Variants in COL18A1 observed in about 807,000 individuals in gnomAD.
COL18A1 encodes collagen alpha-1(XVIII) chain.
Under a neutral mutation model 168.0 loss-of-function variants are expected in COL18A1, and 133 were observed. The observed-to-expected ratio is 0.79, with a 90% CI of 0.69 to 0.91. COL18A1 has a LOEUF of 0.91. Among genes scored for constraint, COL18A1 ranks in the 40% least tolerant of loss-of-function variants. The pLI is 0.00. For missense variants in COL18A1, 2,126 were observed against 1,925.4 expected, an observed-to-expected ratio of 1.10 and a Z score of -1.95; for synonymous variants, 949 against 809.0, an observed-to-expected ratio of 1.17 and a Z score of -2.94.
chr21:45,465,810 G>A (rs894905503), intron 2 of COL18A1, among the ~76,000 whole-genome samples: 4 of 152,242 alleles, frequency 2.6e-5, no homozygotes, highest in African/African-American at 9.6e-5. Flanking sequence ...AGCACAGGCG[G>A]GCGTCCGTGG....
chr21:45,468,824 G>A, intron 3 of COL18A1, 38 bp downstream of exon 3: 2 of 1,518,438 alleles, frequency 1.3e-6, no homozygotes, highest in South Asian at 1.2e-5. Flanking sequence ...GACTGGAGCA[G>A]CTGGGATGGG....
At chr21:45,453,769 A>G (rs753883767) in intron 2 of COL18A1, among the ~76,000 whole-genome samples, 14 of 152,148 alleles carry the variant, frequency 9.2e-5, no homozygotes, top group Non-Finnish European at 1.8e-4. Context: ...GGCTGCCACC[A>G]TCCTCCAAGT....
At chr21:45,497,349 G>A (rs753438587) in intron 31 of COL18A1, among the ~76,000 whole-genome samples, 3 of 152,234 alleles carry the variant, frequency 2.0e-5, no homozygotes, top group Non-Finnish European at 4.4e-5. Flanking sequence ...CCAAAGCAGG[G>A]TGGAAGCAGC....
At chr21:45,477,993 G>T in intron 8 of COL18A1, 28 bp downstream of exon 8, 1 of 1,237,986 alleles carries the variant, frequency 8.1e-7, no homozygotes, top group Admixed American at 2.0e-5. Flanking sequence ...CCCGAGTCCG[G>T]CCCGGTCTGG....
rs934791525 is a variant in COL18A1, at chr21:45,477,685, G to A, written c.1006-65G>A. The A allele has an allele frequency of 2.8e-6, 4 of 1,425,410 alleles. No individual in the cohort carries two copies. The African/African-American group carries it at 5.7e-5, about 20-fold the overall frequency. The allele number at this position is 1,425,410 out of a possible 1,614,324, so 88.3% of individuals were successfully genotyped here. A position where few individuals can be genotyped will look rare whatever the true frequency, so the allele number is the denominator to read the frequency against. Reference sequence around the variant, plus strand: ...GCCTGGGACTCTGGAGGGCGCAGCGGGACACGTGGGCAGGGTGTGTGGGGC... The same window carrying A: ...GCCTGGGACTCTGGAGGGCGCAGCGAGACACGTGGGCAGGGTGTGTGGGGC... On this transcript the variant is annotated intron_variant, in intron 7 of 41. Transcript: ENST00000651438.
intron 2 of COL18A1, among the ~76,000 whole-genome samples, chr21:45,449,996 A>T (rs920035702): frequency 6.6e-6 from 1 of 152,242 alleles, no homozygotes; most frequent in Non-Finnish European, 1.5e-5. Flanking sequence ...CCACAGAAAG[A>T]TGAAAAGTCA....
chr21:45,471,399 T>G lies in COL18A1; in HGVS notation c.652-2496T>G, dbSNP rs1285311408. 6.6e-6 allele frequency among the ~76,000 whole-genome samples: 1 copy of G among 152,178 alleles called. No homozygotes were observed. Among genetic ancestry groups the G allele is most frequent in the Non-Finnish European group, 1.5e-5 (1 of 68,030 alleles). On this transcript the variant is annotated intron_variant, in intron 3 of 41. Transcript: ENST00000651438. The surrounding 1 kb of genome is among the most constrained non-coding windows in gnomAD (Gnocchi z 4.4). The stretch of plus-strand genomic sequence containing the variant: ...ATTGAGATACTTGGGAAAGAAACAT[T>G]CAAGTTGTGTGACTCATAATTTTTG...
intron 2 of COL18A1, among the ~76,000 whole-genome samples, chr21:45,433,407 T>C (rs536673814): frequency 6.6e-6 from 1 of 152,352 alleles, no homozygotes; most frequent in African/African-American, 2.4e-5. Flanking sequence ...GTCGTCTTTG[T>C]GTGCGTCTGT....
chr21:45,490,574 AGGTCCCTGGGCCTCCGTGTGCCCTCCCG>A (rs1568921874), intron 20 of COL18A1, among the ~76,000 whole-genome samples: 1 of 60,968 alleles, frequency 1.6e-5, no homozygotes, highest in Non-Finnish European at 3.3e-5. Flanking sequence ...GTGCCCTCTC[AGGTCCCTGGGCCTCCGTGTGCCCTCCCG>A]GGTCCCTGGG....
chr21:45,497,945 CAG>C (rs1278278217), intron 32 of COL18A1: 5 of 604,604 alleles, frequency 8.3e-6, no homozygotes, highest in Non-Finnish European at 1.5e-5. Flanking sequence ...GGGCACTGCG[CAG>C]AGACACAGCA....
chr21:45,492,529 G>A lies in COL18A1; in HGVS notation c.2158-6G>A. On this transcript the variant is annotated splice_region_variant and splice_polypyrimidine_tract_variant and intron_variant, in intron 22 of 41. Transcript: ENST00000651438. Reference sequence around the variant, plus strand: ...GTTTCCGATTTTTCCTTTTGCTCGTGGACAGGGATCCGTCCTGAGCGTGCC... The same window carrying A: ...GTTTCCGATTTTTCCTTTTGCTCGTAGACAGGGATCCGTCCTGAGCGTGCC... 6.2e-7 allele frequency: 1 copy of A among 1,613,416 alleles called. No individual in the cohort carries two copies. The highest frequency in any genetic ancestry group is 8.5e-7 in the Non-Finnish European group (1 of 1,180,004).
chr21:45,468,217 T>C lies in COL18A1; in HGVS notation c.107-25T>C, dbSNP rs564640325. On this transcript the variant is annotated intron_variant, in intron 2 of 41. Transcript: ENST00000651438. ...CCTGGTTCCGTCCTGCACAGCCACCTCACCAGCTGTCTTTCTTTTTGCAGA... is the reference window on the plus strand; with the variant it reads ...CCTGGTTCCGTCCTGCACAGCCACCCCACCAGCTGTCTTTCTTTTTGCAGA... 78 of 1,612,538 alleles carry C rather than the reference T, an allele frequency of 4.8e-5. 1 individual carries two copies. The South Asian group carries it at 5.7e-4, about 12-fold the overall frequency.
At chr21:45,406,952 G>T (rs995667764) in intron 2 of COL18A1, among the ~76,000 whole-genome samples, 4 of 152,206 alleles carry the variant, frequency 2.6e-5, no homozygotes, top group African/African-American at 4.8e-5. Context: ...CTTCTGTCCC[G>T]GGCCTGCCCC....
intron 30 of COL18A1, among the ~76,000 whole-genome samples, chr21:45,496,774 C>T (rs116833018): frequency 0.012 from 1,856 of 152,358 alleles, 42 homozygotes; most frequent in African/African-American, 0.041. Flanking sequence ...TGTGGAGCTG[C>T]TTCCAGCTGG....
At chr21:45,432,982 A>G (rs895517978) in intron 2 of COL18A1, among the ~76,000 whole-genome samples, 5 of 152,236 alleles carry the variant, frequency 3.3e-5, no homozygotes, top group African/African-American at 1.2e-4. Flanking sequence ...TGCCTCCTGC[A>G]TCTACTTTTC....
chr21:45,469,085 C>T (rs1015128622), intron 3 of COL18A1, among the ~76,000 whole-genome samples: 1 of 152,176 alleles, frequency 6.6e-6, no homozygotes, highest in African/African-American at 2.4e-5. Context: ...TCTGAGACCC[C>T]GAGGCCCAGC....
chr21:45,444,322 G>GGCGTGCAGGGGTGTAGTGAGGT lies in COL18A1; in HGVS notation c.107-23896_107-23875dup, dbSNP rs368445065. Among the ~76,000 whole-genome samples, 21 of 152,200 alleles carry GGCGTGCAGGGGTGTAGTGAGGT rather than the reference G, an allele frequency of 1.4e-4. No homozygotes were observed. The South Asian group carries it at 1.9e-3, about 14-fold the overall frequency. On this transcript the variant is annotated intron_variant, in intron 2 of 41. Coordinates refer to ENST00000651438, the MANE Select transcript of COL18A1 (RefSeq NM_001379500.1). ...TGAAGGGCCGTGTGCCCGAGTAGGT[G>GGCGTGCAGGGGTGTAGTGAGGT]GCGTGCAGGGGTGTAGTGAGGTGCG...
At chr21:45,487,037 C>T (rs758960066) in intron 16 of COL18A1, 45 bp downstream of exon 16, 90 of 1,472,814 alleles carry the variant, frequency 6.1e-5, no homozygotes, top group African/African-American at 5.4e-4. Context: ...CGGGGGCTGC[C>T]GTTGCCCCAG....
intron 2 of COL18A1, among the ~76,000 whole-genome samples, chr21:45,453,601 G>A (rs1311711291): frequency 6.6e-6 from 1 of 152,172 alleles, no homozygotes; most frequent in Non-Finnish European, 1.5e-5. Context: ...TGGAGGTGAG[G>A]GAACCCCAAT....
Sources: allele counts gnomAD v4.1 joint callset (sites outside exome capture counted in the v4.1 genomes callset), GRCh38; gene constraint gnomAD v4.1.1; non-coding constraint Gnocchi (gnomAD v3.1); transcripts MANE v1.5; gene names NCBI Gene and HGNC (gene_info 2026-07-23, HGNC 2026-07-21).